CHD7: variants seen among roughly 807,000 people sequenced by gnomAD.
The protein encoded by CHD7 is ATP-dependent chromatin remodeler CHD7.
A neutral mutation model predicts 307.3 loss-of-function variants in CHD7; 24 were observed. The observed-to-expected ratio is 0.08, with a 90% CI of 0.06 to 0.11. The LOEUF is 0.11. CHD7 is among the 10% of genes least tolerant of loss of function. The probability of loss-of-function intolerance (pLI) is 1.00; values close to 1 mark genes in which losing one functional copy is unlikely to be tolerated. For missense variants in CHD7, 3,106 were observed against 3,727.1 expected (o/e 0.83, Z 4.34); for synonymous variants, 1,363 against 1,349.9 (o/e 1.01, Z -0.21).
chr8:60,807,282 T>C (rs529787812), intron 6 of CHD7, among the ~76,000 whole-genome samples: 1 of 152,330 alleles, frequency 6.6e-6, no homozygotes, highest in African/African-American at 2.4e-5. Context: ...CAAGGCAGGC[T>C]TGGGGTCTCT....
chr8:60,685,336 C>T (rs758971302), intron 1 of CHD7, among the ~76,000 whole-genome samples: 33 of 152,330 alleles, frequency 2.2e-4, no homozygotes, highest in Non-Finnish European at 3.4e-4. Flanking sequence ...GAATACATAG[C>T]ACTTTGCTTG....
chr8:60,862,874 A>G lies in CHD7; in HGVS notation c.8076+222A>G. On this transcript the variant is annotated intron_variant, in intron 37 of 37. Transcript: ENST00000423902. ...CAATTTAAAAGGTTTGTATGGAAAC[A>G]TACATTCACAATCTTAGAGGTAGAC... is the stretch of plus-strand genomic sequence containing the variant. The G allele has an allele frequency of 3.7e-6, 2 of 534,606 alleles. No homozygotes were observed. The highest frequency in any genetic ancestry group is 4.8e-5 in the South Asian group (2 of 41,492). 33.1% of individuals were successfully genotyped at this position (534,606 alleles called of 1,614,324 possible).
At chr8:60,769,611 T>G (rs1436056035) in intron 2 of CHD7, among the ~76,000 whole-genome samples, 1 of 152,234 alleles carries the variant, frequency 6.6e-6, no homozygotes, top group Non-Finnish European at 1.5e-5. Context: ...CATGTAGTAG[T>G]AAGGGCAATA....
At chr8:60,799,539 C>A (rs768930775) in intron 4 of CHD7, among the ~76,000 whole-genome samples, 24 of 152,126 alleles carry the variant, frequency 1.6e-4, no homozygotes, top group Non-Finnish European at 3.1e-4. Flanking sequence ...CAGAGTATTT[C>A]TTTTAGGATC....
intron 1 of CHD7, among the ~76,000 whole-genome samples, chr8:60,736,903 C>G (rs1269833403): frequency 1.3e-5 from 2 of 152,038 alleles, no homozygotes; most frequent in African/African-American, 4.8e-5. Context: ...TAAAACTCAG[C>G]TATACAAATG....
Position 60,742,977 on chromosome 8 carries a change from T to C in CHD7, c.1545T>C (p.Pro515=). Residue 515 remains proline, a synonymous_variant, in exon 2 of 38, where the codon CCT becomes CCC. Coordinates refer to ENST00000423902, the MANE Select transcript of CHD7 (RefSeq NM_017780.4). ...CTTTTCAGCAGTTGCCAACCTGTCCTCCACTGCAGCCTCACCCGGGCTTGC... is the reference window on the plus strand; with the variant it reads ...CTTTTCAGCAGTTGCCAACCTGTCCCCCACTGCAGCCTCACCCGGGCTTGC... ...QPSFQQLPTC[P]PLQPHPGLHH... 6.2e-7 allele frequency: 1 copy of C among 1,613,674 alleles called. No homozygotes were observed. The highest frequency in any genetic ancestry group is 1.1e-5 in the South Asian group (1 of 91,020).
chr8:60,726,180 T>C (rs746465598), intron 1 of CHD7, among the ~76,000 whole-genome samples: 8 of 152,254 alleles, frequency 5.3e-5, no homozygotes, highest in Non-Finnish European at 7.3e-5. Context: ...TTATCACTTA[T>C]CTGTGCTTCT....
At chr8:60,685,511 G>A (rs1259283514) in intron 1 of CHD7, among the ~76,000 whole-genome samples, 1 of 152,118 alleles carries the variant, frequency 6.6e-6, no homozygotes, top group African/African-American at 2.4e-5. Context: ...TTGGGTTCCC[G>A]GCACGTGGGT....
chr8:60,743,324 C>G (rs1170125446), intron 2 of CHD7, among the ~76,000 whole-genome samples: 6 of 152,232 alleles, frequency 3.9e-5, no homozygotes, highest in Non-Finnish European at 7.3e-5. Flanking sequence ...TGGGTCCCTG[C>G]TGACAAGGAG....
chr8:60,685,422 C>G (rs191950089), intron 1 of CHD7, among the ~76,000 whole-genome samples: 1 of 152,294 alleles, frequency 6.6e-6, no homozygotes, highest in Admixed American at 6.5e-5. Flanking sequence ...GGTAACCAGA[C>G]CTTGGCACAT....
At chr8:60,720,192 CT>C (rs1489663102) in intron 1 of CHD7, among the ~76,000 whole-genome samples, 2 of 152,170 alleles carry the variant, frequency 1.3e-5, no homozygotes, top group Non-Finnish European at 2.9e-5. Context: ...CTTATCTGTC[CT>C]CTTTCAATGG....
chr8:60,679,345 C>G (rs1586148131), intron 1 of CHD7, among the ~76,000 whole-genome samples: 1 of 145,930 alleles, frequency 6.9e-6, no homozygotes, highest in East Asian at 2.0e-4. Flanking sequence ...CCAACTTTTG[C>G]CTGCGTCCGC....
At chr8:60,680,704 T>C (rs1439956637) in intron 1 of CHD7, among the ~76,000 whole-genome samples, 1 of 152,160 alleles carries the variant, frequency 6.6e-6, no homozygotes, top group African/African-American at 2.4e-5. Flanking sequence ...AACTAGTTTT[T>C]TTCCCCCTCT....
intron 31 of CHD7, 116 bp from the exon 32 acceptor site, chr8:60,854,247 G>A: frequency 2.5e-6 from 2 of 806,836 alleles, no homozygotes; most frequent in South Asian, 1.7e-5. Context: ...TAGCCATGTA[G>A]TAGGTACTCA....
intron 2 of CHD7, among the ~76,000 whole-genome samples, chr8:60,745,930 T>A (rs924746521): frequency 6.6e-6 from 1 of 152,216 alleles, no homozygotes; most frequent in African/African-American, 2.4e-5. Flanking sequence ...CACTCCATGG[T>A]ATATATGTTA....
intron 2 of CHD7, among the ~76,000 whole-genome samples, chr8:60,760,456 C>G (rs1813759833): frequency 6.9e-6 from 1 of 145,896 alleles, no homozygotes; most frequent in South Asian, 2.3e-4. Context: ...GTCTAAAACA[C>G]CAAAAGCAAT....
At chr8:60,701,940 T>C (rs958987065) in intron 1 of CHD7, among the ~76,000 whole-genome samples, 2 of 152,194 alleles carry the variant, frequency 1.3e-5, no homozygotes, top group African/African-American at 2.4e-5. Flanking sequence ...CTCTGCAGAG[T>C]CATGAGGAGT....
chr8:60,743,500 G>C (rs1477451834), intron 2 of CHD7, among the ~76,000 whole-genome samples: 1 of 152,170 alleles, frequency 6.6e-6, no homozygotes, highest in Admixed American at 6.5e-5. Context: ...ATGCGTGTGT[G>C]GTAGTCTCCT....
At chr8:60,699,252 G>A (rs1806639886) in intron 1 of CHD7, among the ~76,000 whole-genome samples, 1 of 152,206 alleles carries the variant, frequency 6.6e-6, no homozygotes, top group Non-Finnish European at 1.5e-5. Flanking sequence ...GGTTAAATAT[G>A]TAGTGGTTTT....
Sources: allele counts gnomAD v4.1 joint callset (sites outside exome capture counted in the v4.1 genomes callset), GRCh38; gene constraint gnomAD v4.1.1; transcripts MANE v1.5; gene names NCBI Gene and HGNC (gene_info 2026-07-23, HGNC 2026-07-21).